The following MKX variants were observed in gnomAD, a reference collection of about 807,000 sequenced individuals.
MKX encodes mohawk homeobox.
A neutral mutation model predicts 36.0 loss-of-function variants in MKX; 13 were observed. That is an observed-to-expected ratio of 0.36 (90% CI 0.24 to 0.57). The LOEUF (loss-of-function observed/expected upper bound fraction) is 0.57, where lower values mean the gene tolerates loss of function less well. Ranked by LOEUF, MKX falls within the 20% of genes least tolerant of loss-of-function variation. The pLI is 0.79. For synonymous variants in MKX, 176 were observed against 178.3 expected (o/e 0.99, Z 0.10); for missense variants, 458 against 456.4 (o/e 1.00, Z -0.03).
At chr10:27,720,009 A>AG (rs1391405597) in intron 5 of MKX, among the ~76,000 whole-genome samples, 3 of 151,550 alleles carry the variant, frequency 2.0e-5, no homozygotes, top group African/African-American at 7.3e-5. Flanking sequence ...AGAGAGAGAG[A>AG]AAAAGTTGAT....
chr10:27,743,025 C>T (rs144009316), intron 2 of MKX, among the ~76,000 whole-genome samples: 2 of 152,324 alleles, frequency 1.3e-5, no homozygotes, highest in East Asian at 3.9e-4. Context: ...GGAGCTGCCC[C>T]GACGAATTGA....
At chr10:27,678,794 C>T (rs1447720210) in intron 5 of MKX, among the ~76,000 whole-genome samples, 1 of 152,302 alleles carries the variant, frequency 6.6e-6, no homozygotes, top group East Asian at 1.9e-4. Flanking sequence ...CTGTGGCTGA[C>T]TCCTTGAACT....
intron 5 of MKX, among the ~76,000 whole-genome samples, chr10:27,711,479 C>CTT (rs59629401): frequency 7.7e-5 from 2 of 26,130 alleles, no homozygotes; most frequent in African/African-American, 2.7e-4. Flanking sequence ...TTCTTTCTTT[C>CTT]TTTCTCTCTC....
At chr10:27,711,703 A>T (rs575064485) in intron 5 of MKX, among the ~76,000 whole-genome samples, 3,647 of 148,574 alleles carry the variant, frequency 0.025, 158 homozygotes, top group African/African-American at 0.086. Flanking sequence ...CCTCCCCAGT[A>T]GCCGAAACTA....
chr10:27,693,849 C>T (rs1481617955), intron 5 of MKX, among the ~76,000 whole-genome samples: 1 of 152,104 alleles, frequency 6.6e-6, no homozygotes, highest in Non-Finnish European at 1.5e-5. Flanking sequence ...ACCCAAATCT[C>T]ATCTTGAATT....
At chr10:27,738,425 G>A (rs548897347) in intron 3 of MKX, among the ~76,000 whole-genome samples, 15 of 152,040 alleles carry the variant, frequency 9.9e-5, no homozygotes, top group South Asian at 2.1e-4. Context: ...TCGGGTTGTC[G>A]TTCATATTCT....
chr10:27,709,590 A>G (rs1054777938), intron 5 of MKX, among the ~76,000 whole-genome samples: 1 of 152,212 alleles, frequency 6.6e-6, no homozygotes, highest in African/African-American at 2.4e-5. Context: ...TCTGTTCCAC[A>G]TGTGTGAGTG....
At chr10:27,694,040 A>C (rs936054606) in intron 5 of MKX, among the ~76,000 whole-genome samples, 4 of 152,218 alleles carry the variant, frequency 2.6e-5, no homozygotes, top group Admixed American at 2.6e-4. Flanking sequence ...TGCCATGAAA[A>C]TGTGCCTTTT....
intron 2 of MKX, among the ~76,000 whole-genome samples, 157 bp downstream of exon 2, chr10:27,743,071 A>G (rs1834945660): frequency 6.6e-6 from 1 of 152,176 alleles, no homozygotes; most frequent in South Asian, 2.1e-4. Context: ...CCTTAACATG[A>G]GAATGCGCGA....
chr10:27,733,639 T>C (rs1430160104), intron 5 of MKX, among the ~76,000 whole-genome samples: 1 of 152,180 alleles, frequency 6.6e-6, no homozygotes, highest in Admixed American at 6.5e-5. Context: ...TAAATCTCAT[T>C]TGCTGACATT....
rs892451449 is a variant in MKX at position 27,696,900 on chromosome 10, A to G, written c.839-21346T>C. Among the ~76,000 whole-genome samples, 5 of 152,308 alleles carry G rather than the reference A, an allele frequency of 3.3e-5. No homozygotes were observed. The South Asian group carries it at 6.2e-4, about 19-fold the overall frequency. ...TAGGTGACACCTTTGGAAATTCCCA[A>G]TTTTTAAAAGCTACTTCTCTAATCT... On this transcript the variant is annotated intron_variant, in intron 5 of 6. Coordinates refer to ENST00000419761, the MANE Select transcript of MKX (RefSeq NM_173576.3).
At chr10:27,731,376 C>G (rs1834626245) in intron 5 of MKX, among the ~76,000 whole-genome samples, 3 of 151,852 alleles carry the variant, frequency 2.0e-5, no homozygotes, top group African/African-American at 7.3e-5. Context: ...AAAACCATAG[C>G]AGTTGCTCAG....
intron 5 of MKX, chr10:27,718,645 G>A (rs996327147): frequency 2.3e-5 from 9 of 392,668 alleles, no homozygotes; most frequent in Middle Eastern, 3.6e-4. Flanking sequence ...CAAGCTTAAC[G>A]ACATAGTAAA....
intron 4 of MKX, 38 bp downstream of exon 4, chr10:27,735,183 G>A (rs760582157): frequency 7.3e-6 from 11 of 1,508,330 alleles, no homozygotes; most frequent in African/African-American, 2.8e-5. Flanking sequence ...TGCTAATAGA[G>A]GCAAAACAAA....
chr10:27,704,738 G>A (rs1836719335), intron 5 of MKX, among the ~76,000 whole-genome samples: 1 of 152,104 alleles, frequency 6.6e-6, no homozygotes, highest in Non-Finnish European at 1.5e-5. Context: ...AGTGAAAATT[G>A]AGACCATAGA....
intron 5 of MKX, among the ~76,000 whole-genome samples, chr10:27,722,915 CTGTG>C (rs573261299): frequency 8.5e-5 from 13 of 152,106 alleles, no homozygotes; most frequent in African/African-American, 2.7e-4. Flanking sequence ...TTCACTGAGT[CTGTG>C]TGTGTTAGGG....
chr10:27,723,841 C>T (rs747133576), intron 5 of MKX, among the ~76,000 whole-genome samples: 3 of 152,142 alleles, frequency 2.0e-5, no homozygotes, highest in African/African-American at 4.8e-5. Context: ...GGCATTCTTA[C>T]TTGAAATGTC....
intron 3 of MKX, among the ~76,000 whole-genome samples, chr10:27,735,887 G>T (rs1834759310): frequency 6.6e-6 from 1 of 152,106 alleles, no homozygotes; most frequent in African/African-American, 2.4e-5. Context: ...GAAATTGTAG[G>T]GGTTGAAGAA....
intron 5 of MKX, among the ~76,000 whole-genome samples, chr10:27,709,294 G>C (rs1259688380): frequency 6.6e-6 from 1 of 152,082 alleles, no homozygotes; most frequent in Non-Finnish European, 1.5e-5. Context: ...ATTGTATTAG[G>C]TACTATAAGT....
Sources: gnomAD v4.1 joint callset for allele counts (sites outside exome capture counted in the v4.1 genomes callset) on GRCh38, gnomAD v4.1.1 for gene constraint, MANE v1.5 for transcripts, NCBI Gene and HGNC (gene_info 2026-07-23, HGNC 2026-07-21) for gene names.